The following PDAP1 variants were observed in gnomAD, a reference collection of about 807,000 sequenced individuals.
PDAP1 encodes PDGFA associated protein 1, also known as 28 kDa heat- and acid-stable phosphoprotein.
A neutral mutation model predicts 28.0 loss-of-function variants in PDAP1; 13 were observed. The ratio of observed to expected loss-of-function variants is 0.46; its 90% CI spans 0.30 to 0.74. The LOEUF is 0.74. Among genes scored for constraint, PDAP1 ranks in the 30% least tolerant of loss-of-function variants. The pLI, the probability that PDAP1 is intolerant of heterozygous loss-of-function variation, is 0.07. For synonymous variants in PDAP1, 77 were observed against 85.1 expected (o/e 0.91, Z 0.52); for missense variants, 150 against 230.0 (o/e 0.65, Z 2.25).
At chr7:99,398,121 G>T in intron 4 of PDAP1, 108 bp from the exon 5 acceptor site, 2 of 1,282,274 alleles carry the variant, frequency 1.6e-6, no homozygotes, top group Non-Finnish European at 2.2e-6. Flanking sequence ...CGAGGTGGAA[G>T]GGGTGCCCTG....
At chr7:99,398,857 C>T (rs114192118) in intron 4 of PDAP1, among the ~76,000 whole-genome samples, 5 of 152,326 alleles carry the variant, frequency 3.3e-5, no homozygotes, top group African/African-American at 9.6e-5. Context: ...GTGCTGCCCC[C>T]CAAGGGGACA....
In PDAP1 at chr7:99,400,409, C is replaced by T. The variant is rs780258082; in HGVS notation, c.229G>A (p.Val77Ile). Reference sequence around the variant, plus strand: ...TTCTCGATGTCGATGAGCCCTTCAACGCCTTTGCGCTTTTGCTAGAACAGG... The same window carrying T: ...TTCTCGATGTCGATGAGCCCTTCAATGCCTTTGCGCTTTTGCTAGAACAGG... ...EDDYQQKRKG[V>I]EGLIDIENPN... The change falls in exon 4 of 6, where the codon GTT becomes ATT. Residue 77 changes from valine to isoleucine, a missense_variant. By Grantham distance (29) the Val-to-Ile change is conservative. Coordinates refer to ENST00000350498, the MANE Select transcript of PDAP1 (RefSeq NM_014891.7). 76 of 1,614,056 alleles carry T rather than the reference C, an allele frequency of 4.7e-5. No homozygotes were observed. Among genetic ancestry groups the T allele is most frequent in the Non-Finnish European group, 6.4e-5 (75 of 1,180,022 alleles).
At chr7:99,404,081 G>A (rs1437853009) in intron 2 of PDAP1, among the ~76,000 whole-genome samples, 1 of 152,080 alleles carries the variant, frequency 6.6e-6, no homozygotes, top group Admixed American at 6.6e-5. Context: ...GGAACCTCAT[G>A]TCCCTTCACC....
At chr7:99,407,195 A>T (rs914010725) in intron 1 of PDAP1, among the ~76,000 whole-genome samples, 10 of 152,208 alleles carry the variant, frequency 6.6e-5, no homozygotes, top group South Asian at 2.1e-4. Flanking sequence ...TGTGGTTTTC[A>T]GATTAACCCA....
At chr7:99,398,686 A>G (rs1298058962) in intron 4 of PDAP1, among the ~76,000 whole-genome samples, 3 of 152,196 alleles carry the variant, frequency 2.0e-5, no homozygotes, top group African/African-American at 7.2e-5. Flanking sequence ...CCTGGGTGAC[A>G]GAGTGAAATC....
intron 3 of PDAP1, among the ~76,000 whole-genome samples, chr7:99,400,940 G>A (rs1320732616): frequency 1.3e-5 from 2 of 152,112 alleles, no homozygotes; most frequent in Non-Finnish European, 2.9e-5. Flanking sequence ...TTGGGACGCT[G>A]GCCCAAAAAC....
In PDAP1 at chr7:99,401,482, C is replaced by A. The variant is rs1408945472; in HGVS notation, c.214-1058G>T. ...TTGGGATTACAGGCATGAACCACCA[C>A]CCCCGACTAATTTTGTATTTTTAGT... On this transcript the variant is annotated intron_variant, in intron 3 of 5. Coordinates refer to ENST00000350498, the MANE Select transcript of PDAP1 (RefSeq NM_014891.7). 2.6e-5 allele frequency among the ~76,000 whole-genome samples: 4 copies of A among 152,150 alleles called. No individual in the cohort carries two copies. In the South Asian group the frequency reaches 6.2e-4, roughly 24 times the overall value.
intron 5 of PDAP1, among the ~76,000 whole-genome samples, chr7:99,397,026 C>T (rs979099835): frequency 6.6e-6 from 1 of 152,214 alleles, no homozygotes; most frequent in African/African-American, 2.4e-5. Context: ...CTCACCCCAC[C>T]TCCCAGCAGA....
chr7:99,406,627 G>A, intron 1 of PDAP1: 1 of 985,176 alleles, frequency 1.0e-6, no homozygotes, highest in Non-Finnish European at 1.2e-6. Context: ...TTTAAAGCAA[G>A]GTGGCATCCC....
At chr7:99,397,770 C>T in intron 5 of PDAP1, 92 bp downstream of exon 5, 1 of 1,490,538 alleles carries the variant, frequency 6.7e-7, no homozygotes, top group Non-Finnish European at 9.1e-7. Flanking sequence ...ACCTCATTGT[C>T]ACCTCGCGGA....
chr7:99,400,154 T>A, intron 4 of PDAP1, 149 bp downstream of exon 4: 1 of 779,848 alleles, frequency 1.3e-6, no homozygotes, highest in Non-Finnish European at 2.1e-6. Context: ...ACAAATTCTG[T>A]GTGGCTTTTT....
intron 2 of PDAP1, among the ~76,000 whole-genome samples, chr7:99,404,041 C>T (rs1794925473): frequency 6.6e-6 from 1 of 152,210 alleles, no homozygotes; most frequent in Non-Finnish European, 1.5e-5. Context: ...CTCCACCTTT[C>T]TTGCCTTCCC....
chr7:99,399,143 G>C (rs988136000), intron 4 of PDAP1, among the ~76,000 whole-genome samples: 4 of 152,162 alleles, frequency 2.6e-5, no homozygotes, highest in Non-Finnish European at 5.9e-5. Flanking sequence ...GGCCTTCAAG[G>C]TACACAGAAC....
At chr7:99,398,370 G>A (rs1447598588) in intron 4 of PDAP1, among the ~76,000 whole-genome samples, 1 of 152,220 alleles carries the variant, frequency 6.6e-6, no homozygotes, top group Non-Finnish European at 1.5e-5. Flanking sequence ...ATGACCAGGA[G>A]GATGAAAGCA....
Position 99,404,763 on chromosome 7 carries a change from T to A in PDAP1, c.105+99A>T, listed in dbSNP as rs1794938651. ...CGCCCGACCCCCACGTGCTGGCTTG[T>A]CCCTGCGAATGGGTAGTCCTTGCCT... On this transcript the variant is annotated intron_variant, in intron 2 of 5. Coordinates refer to ENST00000350498, the MANE Select transcript of PDAP1 (RefSeq NM_014891.7). 1.6e-5 allele frequency: 14 copies of A among 877,048 alleles called. No homozygotes were observed. In the East Asian group the frequency reaches 3.6e-4, roughly 22 times the overall value. 54.3% of individuals were successfully genotyped at this position (877,048 alleles called of 1,614,324 possible). A position where few individuals can be genotyped will look rare whatever the true frequency, so the allele number is the denominator to read the frequency against.
intron 4 of PDAP1, among the ~76,000 whole-genome samples, 170 bp downstream of exon 4, chr7:99,400,133 A>C (rs981259561): frequency 6.6e-6 from 1 of 152,228 alleles, no homozygotes; most frequent in African/African-American, 2.4e-5. Flanking sequence ...ATCATGTATC[A>C]ATTGGTGAAA....
chr7:99,397,062 C>T (rs1794782466), intron 5 of PDAP1, among the ~76,000 whole-genome samples: 1 of 152,188 alleles, frequency 6.6e-6, no homozygotes, highest in South Asian at 2.1e-4. Flanking sequence ...CCTCCCTCCA[C>T]GGGTTCTGAA....
At position 99,394,845 on chromosome 7, in the gene PDAP1, G is replaced by A; in HGVS notation, c.*1837C>T. 1 of 1,232,560 alleles carries A rather than the reference G, an allele frequency of 8.1e-7. No individual in the cohort carries two copies. The highest frequency in any genetic ancestry group is 1.0e-6 in the Non-Finnish European group (1 of 988,892). The allele number at this position is 1,232,560 out of a possible 1,614,324, so 76.4% of individuals were successfully genotyped here. A position where few individuals can be genotyped will look rare whatever the true frequency, so the allele number is the denominator to read the frequency against. On this transcript the variant is annotated 3_prime_UTR_variant, in exon 6 of 6. Transcript: ENST00000350498. Reference sequence around the variant, plus strand: ...GCCTATGTGGAAGGAGAGGTTTTTTGTTATTTCCTTGGGGTCTTGCTAAGT... The same window carrying A: ...GCCTATGTGGAAGGAGAGGTTTTTTATTATTTCCTTGGGGTCTTGCTAAGT...
intron 1 of PDAP1, 102 bp downstream of exon 1, chr7:99,408,434 C>T (rs1795030161): frequency 2.7e-6 from 3 of 1,094,194 alleles, no homozygotes; most frequent in East Asian, 3.2e-5. Context: ...GGACAGCCTC[C>T]CTCTGCGCTG....
Sources: allele counts gnomAD v4.1 joint callset (sites outside exome capture counted in the v4.1 genomes callset), GRCh38; gene constraint gnomAD v4.1.1; transcripts MANE v1.5; gene names NCBI Gene and HGNC (gene_info 2026-07-23, HGNC 2026-07-21).